The following NEK5 variants were observed in gnomAD, a reference collection of about 807,000 sequenced individuals.
NEK5 encodes the protein serine/threonine-protein kinase Nek5.
In NEK5, 88 loss-of-function variants were observed where a neutral mutation model predicts 109.2. That is an observed-to-expected ratio of 0.81 (90% confidence interval 0.68 to 0.96). The LOEUF (loss-of-function observed/expected upper bound fraction) is 0.96, where lower values mean the gene tolerates loss of function less well. NEK5 is among the 40% of genes least tolerant of loss of function. The pLI, the probability that NEK5 is intolerant of heterozygous loss-of-function variation, is 0.00. For synonymous variants in NEK5, 283 were observed against 299.9 expected, an observed-to-expected ratio of 0.94 and a Z score of 0.58; for missense variants, 834 against 920.7, an observed-to-expected ratio of 0.91 and a Z score of 1.22.
intron 21 of NEK5, among the ~76,000 whole-genome samples, chr13:52,063,536 C>T (rs1422984525): frequency 7.5e-6 from 1 of 132,688 alleles, no homozygotes; most frequent in African/African-American, 2.8e-5. Context: ...GGCCGCCCAT[C>T]GTCTGGGACG....
intron 13 of NEK5, among the ~76,000 whole-genome samples, chr13:52,090,277 A>T (rs1955251529): frequency 6.6e-6 from 1 of 152,210 alleles, no homozygotes; most frequent in South Asian, 2.1e-4. Flanking sequence ...TAAAAACCGC[A>T]TTTCAGACCA....
chr13:52,121,471 C>A (rs1439997198), intron 3 of NEK5, among the ~76,000 whole-genome samples: 1 of 152,046 alleles, frequency 6.6e-6, no homozygotes, highest in Non-Finnish European at 1.5e-5. Context: ...TTGACTAATT[C>A]TTCTAGAAAT....
chr13:52,104,356 C>A, intron 9 of NEK5, 142 bp downstream of exon 9: 1 of 709,600 alleles, frequency 1.4e-6, no homozygotes, highest in Non-Finnish European at 2.5e-6. Context: ...CTTTCCATGT[C>A]ATCTATCATT....
In NEK5 at chr13:52,036,942, C is replaced by T. The variant is rs1566720762; in HGVS notation, c.*6G>A. On this transcript the variant is annotated 3_prime_UTR_variant, in exon 24 of 24. Coordinates refer to ENST00000684899, the MANE Select transcript of NEK5 (RefSeq NM_001365552.1). ...CTAACTTATTACTTAAGAAAAAGTA[C>T]AATAATCACACTTGTATATTTTGAC... 1 of 984,178 alleles carries T rather than the reference C, an allele frequency of 1.0e-6. No individual in the cohort carries two copies. The highest frequency in any genetic ancestry group is 1.2e-6 in the Non-Finnish European group (1 of 828,930). 61.0% of individuals were successfully genotyped at this position (984,178 alleles called of 1,614,324 possible).
chr13:52,065,541 G>A lies in NEK5; in HGVS notation c.1918C>T (p.Leu640=). 6.2e-7 allele frequency: 1 copy of A among 1,614,018 alleles called. No homozygotes were observed. The highest frequency in any genetic ancestry group is 8.5e-7 in the Non-Finnish European group (1 of 1,179,834). ...RQWDGGAPQT[L]LQMMAVADIT... The stretch of plus-strand genomic sequence containing the variant: ...TCGGCCACTGCCATCATCTGCAGCA[G>A]AGTCTGAGGCGCTCCTCCATCCCAC... Residue 640 remains leucine, a synonymous_variant, in exon 21 of 24, where the codon CTG becomes TTG. Coordinates refer to ENST00000684899, the MANE Select transcript of NEK5 (RefSeq NM_001365552.1).
chr13:52,117,893 A>G (rs1337470532), intron 4 of NEK5, among the ~76,000 whole-genome samples: 1 of 152,218 alleles, frequency 6.6e-6, no homozygotes, highest in Non-Finnish European at 1.5e-5. Flanking sequence ...CAAACAAAAT[A>G]AAGAAGAGAA....
intron 22 of NEK5, among the ~76,000 whole-genome samples, chr13:52,051,747 A>G (rs376446130): frequency 4.6e-5 from 7 of 152,334 alleles, no homozygotes; most frequent in Admixed American, 3.3e-4. Context: ...CTCCCATTTT[A>G]TTCCTAAATA....
chr13:52,085,780 C>T (rs371594611), intron 16 of NEK5, among the ~76,000 whole-genome samples: 1 of 152,316 alleles, frequency 6.6e-6, no homozygotes, highest in African/African-American at 2.4e-5. Flanking sequence ...GGATGAATTT[C>T]CAATGTGGCG....
chr13:52,081,193 C>CT (rs1955005989), intron 17 of NEK5, among the ~76,000 whole-genome samples: 1 of 152,188 alleles, frequency 6.6e-6, no homozygotes, highest in East Asian at 1.9e-4. Flanking sequence ...CAAGTAGAGA[C>CT]TTTTTTAAAG....
intron 13 of NEK5, among the ~76,000 whole-genome samples, chr13:52,089,674 G>A (rs1808008862): frequency 6.6e-6 from 1 of 152,128 alleles, no homozygotes; most frequent in Admixed American, 6.6e-5. Context: ...GGTGTCTAAT[G>A]TACAGGTTGT....
intron 4 of NEK5, among the ~76,000 whole-genome samples, chr13:52,112,998 T>A (rs1410042290): frequency 6.6e-6 from 1 of 152,224 alleles, no homozygotes; most frequent in Non-Finnish European, 1.5e-5. Context: ...TTCCCAAATA[T>A]GTTTACGCCA....
At chr13:52,110,667 C>T (rs34283630) in intron 5 of NEK5, 90 bp from the exon 6 acceptor site, 14,831 of 157,456 alleles carry the variant, frequency 0.094, 389 homozygotes, top group Admixed American at 0.28. Context: ...AGAAATTATA[C>T]ACACACACAC....
intron 3 of NEK5, among the ~76,000 whole-genome samples, chr13:52,125,345 C>G (rs891824119): frequency 1.3e-5 from 2 of 152,146 alleles, no homozygotes; most frequent in South Asian, 2.1e-4. Context: ...GGGTGGATCA[C>G]GAAGTCAGGA....
chr13:52,057,975 TAA>T (rs1954576849), intron 22 of NEK5, among the ~76,000 whole-genome samples: 1 of 151,974 alleles, frequency 6.6e-6, no homozygotes, highest in Admixed American at 6.6e-5. Flanking sequence ...GAGAAGCAAA[TAA>T]AGAGTATTCA....
chr13:52,101,257 G>A (rs1052835060), intron 11 of NEK5, among the ~76,000 whole-genome samples: 4 of 152,092 alleles, frequency 2.6e-5, no homozygotes, highest in Non-Finnish European at 5.9e-5. Context: ...AAAATTAGCC[G>A]GGAGTGGTGA....
chr13:52,122,302 T>C (rs1431616309), intron 3 of NEK5, among the ~76,000 whole-genome samples: 2 of 152,146 alleles, frequency 1.3e-5, no homozygotes, highest in East Asian at 3.8e-4. Flanking sequence ...TTGATATACA[T>C]AATAAAACAC....
chr13:52,064,274 G>T (rs1176483094), intron 21 of NEK5, among the ~76,000 whole-genome samples: 8 of 140,938 alleles, frequency 5.7e-5, no homozygotes, highest in Middle Eastern at 4.2e-3. Context: ...GGGAGGTGAG[G>T]GGCGCCTCTG....
rs960837466 is a variant in NEK5, at chr13:52,071,869, G to C, written c.1849+75C>G. ...AAGTAACAGTGGAGCCGAGGCAGAT[G>C]CATGGGGACAGAGTTCAAAATGGGT... is the stretch of plus-strand genomic sequence containing the variant. On this transcript the variant is annotated intron_variant, in intron 20 of 23. Coordinates refer to ENST00000684899, the MANE Select transcript of NEK5 (RefSeq NM_001365552.1). 5 of 1,301,354 alleles carry C rather than the reference G, an allele frequency of 3.8e-6. No individual in the cohort carries two copies. The African/African-American group carries it at 7.3e-5, about 19-fold the overall frequency. The allele number at this position is 1,301,354 out of a possible 1,614,324, so 80.6% of individuals were successfully genotyped here. A position where few individuals can be genotyped will look rare whatever the true frequency, so the allele number is the denominator to read the frequency against.
intron 12 of NEK5, among the ~76,000 whole-genome samples, chr13:52,094,805 T>C (rs754640171): frequency 6.6e-6 from 1 of 152,222 alleles, no homozygotes; most frequent in African/African-American, 2.4e-5. Context: ...TTGACCATAA[T>C]TAATCTAGAA....
Sources: gnomAD v4.1 joint callset for allele counts (sites outside exome capture counted in the v4.1 genomes callset) on GRCh38, gnomAD v4.1.1 for gene constraint, MANE v1.5 for transcripts, NCBI Gene and HGNC (gene_info 2026-07-23, HGNC 2026-07-21) for gene names.